The following MOB3B variants were observed in gnomAD, a reference collection of about 807,000 sequenced individuals.
MOB3B encodes the protein MOB kinase activator 3B, also known as MOB kinase activator-like 2B.
A neutral mutation model predicts 18.7 loss-of-function variants in MOB3B; 7 were observed. That is an observed-to-expected ratio of 0.37 (90% confidence interval 0.21 to 0.70). The LOEUF is 0.70. Ranked by LOEUF, MOB3B falls within the 30% of genes least tolerant of loss-of-function variation. The pLI, the probability that MOB3B is intolerant of heterozygous loss-of-function variation, is 0.52. For synonymous variants in MOB3B, 111 were observed against 99.9 expected, an observed-to-expected ratio of 1.11 and a Z score of -0.66; for missense variants, 253 against 281.3, an observed-to-expected ratio of 0.90 and a Z score of 0.72.
At chr9:27,417,657 T>C (rs1371906725) in intron 2 of MOB3B, among the ~76,000 whole-genome samples, 1 of 152,186 alleles carries the variant, frequency 6.6e-6, no homozygotes, top group Admixed American at 6.5e-5. Flanking sequence ...CTTTGGACTC[T>C]AGCAGCAAAG....
In MOB3B at chr9:27,359,151, G is replaced by A; in HGVS notation, c.504C>T (p.His168=). The A allele has an allele frequency of 6.2e-7, 1 of 1,614,142 alleles. No homozygotes were observed. Among genetic ancestry groups the A allele is most frequent in the Non-Finnish European group, 8.5e-7 (1 of 1,180,028 alleles). Residue 168 remains histidine (H), a synonymous_variant, in exon 3 of 4, where the codon CAC becomes CAT. Coordinates refer to ENST00000262244, the MANE Select transcript of MOB3B (RefSeq NM_024761.5). ...CCATCACAATGACCCGGTCGAAGTGGTGGATATAGACGTGGACAAAGACCC... is the reference window on the plus strand; with the variant it reads ...CCATCACAATGACCCGGTCGAAGTGATGGATATAGACGTGGACAAAGACCC... The part of the protein sequence containing the change: ...LFRVFVHVYI[H]HFDRVIVMGA...
intron 1 of MOB3B, among the ~76,000 whole-genome samples, chr9:27,489,422 C>A (rs1292248672): frequency 6.6e-6 from 1 of 152,156 alleles, no homozygotes; most frequent in Non-Finnish European, 1.5e-5. Context: ...AGACTTCAGT[C>A]AAAAACAAGT....
At chr9:27,412,017 AG>A (rs1329885093) in intron 2 of MOB3B, among the ~76,000 whole-genome samples, 5 of 152,284 alleles carry the variant, frequency 3.3e-5, no homozygotes, top group African/African-American at 1.2e-4. Context: ...AGATAAAAAA[AG>A]AAGATGCTTG....
intron 1 of MOB3B, chr9:27,524,642 C>G (rs771431198): frequency 1.2e-6 from 2 of 1,613,932 alleles, no homozygotes; most frequent in African/African-American, 2.7e-5. Context: ...GCCAACACAC[C>G]TTCAAATATT....
rs143096023 is a variant in MOB3B, at chr9:27,343,098, A to T, written c.622-12482T>A. ...TTACTGTGTCGGTGTAGAAAGAAGTAGACATGGGAGACTCCATTTTGTTCT... is the reference window on the plus strand; with the variant it reads ...TTACTGTGTCGGTGTAGAAAGAAGTTGACATGGGAGACTCCATTTTGTTCT... On this transcript the variant is annotated intron_variant, in intron 3 of 3. Transcript: ENST00000262244. Among the ~76,000 whole-genome samples the T allele has an allele frequency of 7.2e-3, 1,089 of 152,078 alleles. 11 individuals are homozygous for T. The highest frequency in any genetic ancestry group is 0.025 in the African/African-American group (1,024 of 41,356).
At chr9:27,500,906 AAAAC>A (rs1252915196) in intron 1 of MOB3B, among the ~76,000 whole-genome samples, 34 of 152,324 alleles carry the variant, frequency 2.2e-4, no homozygotes, top group East Asian at 1.9e-3. Flanking sequence ...TTACAAGAAA[AAAAC>A]AAACAACCCC....
chr9:27,357,144 A>ATATATATATATATG (rs1486801059), intron 3 of MOB3B, among the ~76,000 whole-genome samples: 7 of 80,972 alleles, frequency 8.6e-5, no homozygotes, highest in African/African-American at 2.9e-4. Context: ...ATATATATAT[A>ATATATATATATATG]TGTGTTTTTT....
chr9:27,496,692 G>C (rs1454297221), intron 1 of MOB3B, among the ~76,000 whole-genome samples: 1 of 152,198 alleles, frequency 6.6e-6, no homozygotes, highest in Non-Finnish European at 1.5e-5. Flanking sequence ...GTCAGCCTAA[G>C]CAGTCCAACA....
At chr9:27,378,924 G>GAGCTCAA (rs1821532435) in intron 2 of MOB3B, among the ~76,000 whole-genome samples, 1 of 152,212 alleles carries the variant, frequency 6.6e-6, no homozygotes, top group Admixed American at 6.5e-5. Context: ...CACGTCTTCT[G>GAGCTCAA]AGCTCAAAGC....
intron 1 of MOB3B, among the ~76,000 whole-genome samples, chr9:27,523,372 C>T (rs1160540790): frequency 1.3e-5 from 2 of 151,092 alleles, no homozygotes; most frequent in African/African-American, 4.9e-5. Context: ...CAGGAGCAAA[C>T]AAAAGCCTTT....
chr9:27,399,754 A>C (rs573282000), intron 2 of MOB3B, among the ~76,000 whole-genome samples: 1 of 152,304 alleles, frequency 6.6e-6, no homozygotes, highest in Admixed American at 6.5e-5. Flanking sequence ...GACTGCCAAG[A>C]GATCTTCTCT....
At chr9:27,402,262 G>A (rs1016652005) in intron 2 of MOB3B, among the ~76,000 whole-genome samples, 6 of 152,144 alleles carry the variant, frequency 3.9e-5, no homozygotes, top group African/African-American at 1.2e-4. Context: ...ATGCTCCCCC[G>A]ATCAGAGGAC....
chr9:27,406,694 T>A (rs1356624098), intron 2 of MOB3B, among the ~76,000 whole-genome samples: 1 of 152,176 alleles, frequency 6.6e-6, no homozygotes, highest in East Asian at 1.9e-4. Context: ...TGCAAAAGAA[T>A]GAAACTAGAT....
chr9:27,441,970 A>G (rs1013530960), intron 2 of MOB3B, among the ~76,000 whole-genome samples: 1 of 152,300 alleles, frequency 6.6e-6, no homozygotes, highest in Middle Eastern at 3.4e-3. Flanking sequence ...GAAAATGCAG[A>G]AGCGGATATG....
chr9:27,326,150 G>T lies in MOB3B; in HGVS notation c.*4437C>A. 3.9e-6 allele frequency: 1 copy of T among 253,498 alleles called. No homozygotes were observed. The highest frequency in any genetic ancestry group is 7.4e-6 in the Non-Finnish European group (1 of 135,224). 15.7% of individuals were successfully genotyped at this position (253,498 alleles called of 1,614,324 possible). A position where few individuals can be genotyped will look rare whatever the true frequency, so the allele number is the denominator to read the frequency against. ...CTGGACTTAGCAAAGAAACAATATA[G>T]TTTGGAGAAGGCATGAAATAAGTTC... On this transcript the variant is annotated 3_prime_UTR_variant, in exon 4 of 4. Coordinates refer to ENST00000262244, the MANE Select transcript of MOB3B (RefSeq NM_024761.5).
At chr9:27,384,914 C>T (rs1821629434) in intron 2 of MOB3B, among the ~76,000 whole-genome samples, 1 of 152,218 alleles carries the variant, frequency 6.6e-6, no homozygotes, top group Non-Finnish European at 1.5e-5. Flanking sequence ...CCCCAGCCTC[C>T]AGTCCCTCTG....
At chr9:27,349,106 A>C (rs1821071460) in intron 3 of MOB3B, among the ~76,000 whole-genome samples, 1 of 152,254 alleles carries the variant, frequency 6.6e-6, no homozygotes, top group Non-Finnish European at 1.5e-5. Flanking sequence ...ATTTACACTT[A>C]GATGCACAAT....
At chr9:27,499,609 T>C (rs1409526885) in intron 1 of MOB3B, among the ~76,000 whole-genome samples, 2 of 152,220 alleles carry the variant, frequency 1.3e-5, no homozygotes, top group African/African-American at 2.4e-5. Flanking sequence ...CTAGGACTCA[T>C]ACTTTAACAT....
At chr9:27,489,081 T>C (rs1819775203) in intron 1 of MOB3B, among the ~76,000 whole-genome samples, 1 of 152,260 alleles carries the variant, frequency 6.6e-6, no homozygotes, top group South Asian at 2.1e-4. Context: ...TACTGCCGCC[T>C]GGTCTTCTTC....
Sources: allele counts gnomAD v4.1 joint callset (sites outside exome capture counted in the v4.1 genomes callset), GRCh38; gene constraint gnomAD v4.1.1; transcripts MANE v1.5; gene names NCBI Gene and HGNC (gene_info 2026-07-23, HGNC 2026-07-21).